The following PTK2B variants were observed in gnomAD, a reference collection of about 807,000 sequenced individuals.
PTK2B encodes the protein protein-tyrosine kinase 2-beta.
In PTK2B, 71 loss-of-function variants were observed where a neutral mutation model predicts 142.9. That is an observed-to-expected ratio of 0.50 (90% CI 0.41 to 0.61). The LOEUF (loss-of-function observed/expected upper bound fraction) is 0.61. Ranked by LOEUF, PTK2B falls within the 20% of genes least tolerant of loss-of-function variation. The pLI, the probability that PTK2B is intolerant of heterozygous loss-of-function variation, is 0.00. For synonymous variants in PTK2B, 519 were observed against 503.4 expected, an observed-to-expected ratio of 1.03 and a Z score of -0.42; for missense variants, 1,105 against 1,320.4, an observed-to-expected ratio of 0.84 and a Z score of 2.53.
chr8:27,417,815 G>T (rs1294903039), intron 2 of PTK2B, among the ~76,000 whole-genome samples: 4 of 152,162 alleles, frequency 2.6e-5, no homozygotes, highest in Non-Finnish European at 4.4e-5. Flanking sequence ...AGCCAAGTAG[G>T]TTTCAGCTGG....
chr8:27,421,694 A>C (rs751005491), intron 4 of PTK2B, among the ~76,000 whole-genome samples: 1 of 152,162 alleles, frequency 6.6e-6, no homozygotes, highest in African/African-American at 2.4e-5. Flanking sequence ...TCCTCAGCCT[A>C]TTTCAAGCTA....
intron 1 of PTK2B, chr8:27,326,872 T>A (rs996119101): frequency 6.6e-6 from 1 of 152,386 alleles, no homozygotes; most frequent in African/African-American, 2.4e-5. Flanking sequence ...AGGTGCAAGG[T>A]GTGGGGACAA....
At chr8:27,446,288 T>C (rs1302698020) in intron 24 of PTK2B, among the ~76,000 whole-genome samples, 1 of 152,198 alleles carries the variant, frequency 6.6e-6, no homozygotes, top group Non-Finnish European at 1.5e-5. Context: ...GAGAGTATCC[T>C]TCCTAAATGA....
intron 9 of PTK2B, 80 bp from the exon 10 acceptor site, chr8:27,432,180 C>T (rs777532166): frequency 4.5e-4 from 570 of 1,260,974 alleles, no homozygotes; most frequent in Non-Finnish European, 6.2e-4. Flanking sequence ...CTCCTCACCC[C>T]GGCTCCCCCA....
Position 27,342,021 on chromosome 8 carries a change from A to G in PTK2B, c.-38+16340A>G, listed in dbSNP as rs573981399. Among the ~76,000 whole-genome samples the G allele has an allele frequency of 7.2e-5, 11 of 152,264 alleles. No individual in the cohort carries two copies. The East Asian group carries it at 2.1e-3, about 29-fold the overall frequency. The stretch of plus-strand genomic sequence containing the variant: ...GCTCCAACTCCATAGTTTCTGCCAC[A>G]GTGCATCTGGGGAGAGCAAGAATTG... On this transcript the variant is annotated intron_variant, in intron 1 of 30. Coordinates refer to ENST00000346049, the MANE Select transcript of PTK2B (RefSeq NM_173176.3).
chr8:27,452,340 G>A (rs777332171), intron 27 of PTK2B: 2 of 152,482 alleles, frequency 1.3e-5, no homozygotes, highest in Admixed American at 6.5e-5. Context: ...GGAGGCTGAG[G>A]TGGGAGGGTC....
chr8:27,431,292 A>T (rs1810403685), intron 8 of PTK2B, 106 bp from the exon 9 acceptor site: 1 of 1,583,208 alleles, frequency 6.3e-7, no homozygotes, highest in East Asian at 2.3e-5. Flanking sequence ...GGAGCTGGAG[A>T]CCCAGGAAAC....
chr8:27,326,062 C>A (rs1803394784), intron 1 of PTK2B, among the ~76,000 whole-genome samples: 1 of 152,114 alleles, frequency 6.6e-6, no homozygotes, highest in Admixed American at 6.5e-5. Flanking sequence ...CCCCCGCTCC[C>A]CGCTCCCTCC....
In PTK2B at chr8:27,340,559, A is replaced by C. The variant is rs567874209; in HGVS notation, c.-38+14878A>C. Among the ~76,000 whole-genome samples, 8 of 152,382 alleles carry C rather than the reference A, an allele frequency of 5.2e-5. No individual in the cohort carries two copies. The South Asian group carries it at 1.7e-3, about 32-fold the overall frequency. On this transcript the variant is annotated intron_variant, in intron 1 of 30. Coordinates refer to ENST00000346049, the MANE Select transcript of PTK2B (RefSeq NM_173176.3). The stretch of plus-strand genomic sequence containing the variant: ...ACATCATTCTCCGGTGACAGGAAGC[A>C]ATAGGATAGATAGGATAGGATAGGC...
chr8:27,318,417 G>A (rs1434655248), intron 3 of PTK2B, among the ~76,000 whole-genome samples: 2 of 152,188 alleles, frequency 1.3e-5, no homozygotes, highest in Non-Finnish European at 2.9e-5. Context: ...ACAGGTGGGG[G>A]TTAGGGGTTC....
At chr8:27,449,955 G>A (rs1453882008) in intron 24 of PTK2B, among the ~76,000 whole-genome samples, 2 of 151,996 alleles carry the variant, frequency 1.3e-5, no homozygotes, top group Non-Finnish European at 2.9e-5. Context: ...TTATCTATTA[G>A]TTCATGAATT....
chr8:27,344,920 C>T (rs1804625185), intron 1 of PTK2B, among the ~76,000 whole-genome samples: 2 of 55,296 alleles, frequency 3.6e-5, no homozygotes, highest in South Asian at 9.8e-4. Flanking sequence ...TACCTGTAAT[C>T]CCAGCACTTG....
At chr8:27,392,487 TCTTCAC>T (rs918757062) in intron 1 of PTK2B, among the ~76,000 whole-genome samples, 6 of 152,182 alleles carry the variant, frequency 3.9e-5, no homozygotes, top group African/African-American at 1.4e-4. Context: ...TCTCACTTCA[TCTTCAC>T]CACCCTTCTA....
rs375881525 is a variant in PTK2B, at chr8:27,437,203, G to A, written c.1423G>A (p.Ala475Thr). The A allele has an allele frequency of 1.2e-6, 2 of 1,613,724 alleles. No homozygotes were observed. Among genetic ancestry groups the A allele is most frequent in the South Asian group, 2.2e-5 (2 of 91,074 alleles). Residue 475 changes from alanine (A) to threonine (T), a missense_variant, in exon 16 of 31, where the codon GCA (alanine) becomes ACA (threonine). Ala to Thr is a moderately conservative substitution (Grantham distance 58). Coordinates refer to ENST00000346049, the MANE Select transcript of PTK2B (RefSeq NM_173176.3). ...LDNKEKFMSE[A>T]VIMKNLDHPH... ...CAACAAGGAGAAGTTCATGAGCGAG[G>A]CAGGTAGGGACCCCTGAGACCAACC...
At position 27,446,001 on chromosome 8, in the gene PTK2B, C is replaced by T. The variant is rs111643137; in HGVS notation, c.2340+82C>T. On this transcript the variant is annotated intron_variant, in intron 24 of 30. Coordinates refer to ENST00000346049, the MANE Select transcript of PTK2B (RefSeq NM_173176.3). ...GTGGCCGGGGACACTGGAAACCCCA[C>T]GTCCTCAGCTCAGGAGGGCCCTTCC... 3.4e-4 allele frequency: 534 copies of T among 1,573,118 alleles called. 1 individual carries two copies. Among genetic ancestry groups the T allele is most frequent in the Admixed American group, 6.9e-4 (40 of 58,146 alleles).
At chr8:27,453,685 G>A (rs1466453188) in intron 28 of PTK2B, among the ~76,000 whole-genome samples, 1 of 152,142 alleles carries the variant, frequency 6.6e-6, no homozygotes, top group African/African-American at 2.4e-5. Context: ...TTCAAGACCA[G>A]CCTGGGCAAT....
rs1292546185 is a variant in PTK2B, at chr8:27,363,822, CG to C, written c.-37-33724del. Among the ~76,000 whole-genome samples the C allele has an allele frequency of 2.0e-5, 3 of 152,132 alleles. No homozygotes were observed. Among genetic ancestry groups the C allele is most frequent in the African/African-American group, 7.2e-5 (3 of 41,422 alleles). Reference sequence around the variant, plus strand: ...GGGACATGTTCATGTGAATTCTCACCGGTGGCTTCACCCACCCCCAGTCCTG... The same window carrying C: ...GGGACATGTTCATGTGAATTCTCACCGTGGCTTCACCCACCCCCAGTCCTG... On this transcript the variant is annotated intron_variant, in intron 1 of 30. Transcript: ENST00000346049. This position sits in a 1 kb window ranked among gnomAD's most constrained non-coding sequence, Gnocchi z 4.3.
chr8:27,369,150 C>T (rs371191756), intron 1 of PTK2B, among the ~76,000 whole-genome samples: 17 of 152,262 alleles, frequency 1.1e-4, no homozygotes, highest in African/African-American at 4.1e-4. Context: ...CTCCCTCTTC[C>T]CCATGTTTTC....
Position 27,444,198 on chromosome 8 carries a change from C to G in PTK2B, c.2149-8C>G. The G allele has an allele frequency of 6.2e-7, 1 of 1,611,536 alleles. No homozygotes were observed. The highest frequency in any genetic ancestry group is 2.2e-5 in the East Asian group (1 of 44,856). ...ACAGAGACTGACCCATCTGTGTTCT[C>G]TCTCCAGCCCAGCCGACCTAAGTAC... On this transcript the variant is annotated splice_region_variant and splice_polypyrimidine_tract_variant and intron_variant, in intron 22 of 30. Coordinates refer to ENST00000346049, the MANE Select transcript of PTK2B (RefSeq NM_173176.3).
Sources: gnomAD v4.1 joint callset for allele counts (sites outside exome capture counted in the v4.1 genomes callset) on GRCh38, gnomAD v4.1.1 for gene constraint, Gnocchi (gnomAD v3.1) non-coding constraint, MANE v1.5 for transcripts, NCBI Gene and HGNC (gene_info 2026-07-23, HGNC 2026-07-21) for gene names.